CERS5: variants seen among roughly 807,000 people sequenced by gnomAD.
The protein encoded by CERS5 is LAG1 homolog, ceramide synthase 5.
In CERS5, 37 loss-of-function variants were observed where a neutral mutation model predicts 58.9. The ratio of observed to expected loss-of-function variants is 0.63; its 90% confidence interval spans 0.48 to 0.83. The LOEUF (loss-of-function observed/expected upper bound fraction) is 0.83. Ranked by LOEUF, CERS5 falls within the 40% of genes least tolerant of loss-of-function variation. CERS5 has a pLI of 0.00. For synonymous variants in CERS5, 147 were observed against 177.8 expected (o/e 0.83, Z 1.38); for missense variants, 398 against 489.3 (o/e 0.81, Z 1.76).
chr12:50,165,823 T>C (rs200161448), intron 1 of CERS5: 1 of 368,216 alleles, frequency 2.7e-6, no homozygotes, highest in African/African-American at 2.1e-5. Flanking sequence ...CCTCATTACC[T>C]GAGGCCTATG....
At chr12:50,159,439 G>A (rs183369368) in intron 1 of CERS5, among the ~76,000 whole-genome samples, 4 of 152,056 alleles carry the variant, frequency 2.6e-5, no homozygotes, top group African/African-American at 9.6e-5. Context: ...TTATTTAAAG[G>A]AACATCTAAT....
intron 1 of CERS5, among the ~76,000 whole-genome samples, chr12:50,160,735 T>C (rs1366618342): frequency 6.6e-6 from 1 of 152,184 alleles, no homozygotes; most frequent in African/African-American, 2.4e-5. Flanking sequence ...ATCTTTAAGA[T>C]TCAGTTTAAG....
chr12:50,141,581 C>G (rs967307210), intron 4 of CERS5, among the ~76,000 whole-genome samples: 1 of 152,016 alleles, frequency 6.6e-6, no homozygotes, highest in African/African-American at 2.4e-5. Context: ...AGAAGACAAT[C>G]TATTAGGATA....
At chr12:50,146,567 G>T (rs1445406196) in intron 1 of CERS5, among the ~76,000 whole-genome samples, 1 of 152,182 alleles carries the variant, frequency 6.6e-6, no homozygotes, top group Non-Finnish European at 1.5e-5. Flanking sequence ...TGGAGCGTAA[G>T]AACATTTGAC....
Position 50,135,146 on chromosome 12 carries a change from A to AGAGAGGAGGGAGGGAGAGAGAGG in CERS5, c.873-445_873-444insCCTCTCTCTCCCTCCCTCCTCTC, listed in dbSNP as rs1471404534. Among the ~76,000 whole-genome samples the AGAGAGGAGGGAGGGAGAGAGAGG allele has an allele frequency of 7.8e-5, 3 of 38,310 alleles. 1 individual carries two copies. The allele number at this position is 38,310 out of a possible 152,430, so 25.1% of individuals were successfully genotyped here. ...AGAGAGGAGAGGGAGGGAGAGAGAG[A>AGAGAGGAGGGAGGGAGAGAGAGG]GGAGGGAGGGAGAGAGAGGGGAGGG... On this transcript the variant is annotated intron_variant, in intron 8 of 9. Transcript: ENST00000317551.
chr12:50,165,877 A>G (rs1176034268), intron 1 of CERS5: 1 of 448,092 alleles, frequency 2.2e-6, no homozygotes, highest in Non-Finnish European at 4.5e-6. Flanking sequence ...AGACTTGATC[A>G]AAATCACCCA....
At chr12:50,138,065 A>G (rs1231139066) in intron 5 of CERS5, among the ~76,000 whole-genome samples, 2 of 152,166 alleles carry the variant, frequency 1.3e-5, no homozygotes, top group Non-Finnish European at 2.9e-5. Flanking sequence ...GTTAACACAT[A>G]CTGTAACACA....
chr12:50,146,900 T>C (rs906355311), intron 1 of CERS5, among the ~76,000 whole-genome samples: 4 of 152,122 alleles, frequency 2.6e-5, no homozygotes, highest in African/African-American at 7.2e-5. Flanking sequence ...TTGTTTATTT[T>C]GTGCTACAGA....
chr12:50,147,456 G>A (rs1026657677), intron 1 of CERS5: 22 of 150,218 alleles, frequency 1.5e-4, no homozygotes, highest in African/African-American at 4.2e-4. Flanking sequence ...AATTTCCAGA[G>A]CCTGGCATTC....
At chr12:50,143,835 A>G (rs1952112685) in intron 2 of CERS5, 117 bp downstream of exon 2, 2 of 691,156 alleles carry the variant, frequency 2.9e-6, no homozygotes, top group Non-Finnish European at 5.2e-6. Flanking sequence ...GACTACTCAA[A>G]TATGAAGGAC....
chr12:50,144,845 G>T, intron 1 of CERS5: 4 of 1,461,134 alleles, frequency 2.7e-6, no homozygotes, highest in Non-Finnish European at 3.6e-6. Flanking sequence ...TTTTTAAAAA[G>T]AATAAAAAAG....
At chr12:50,130,768 T>C in intron 9 of CERS5, 74 bp from the exon 10 acceptor site, 1 of 1,393,210 alleles carries the variant, frequency 7.2e-7, no homozygotes, top group Non-Finnish European at 9.8e-7. Context: ...GACCCAGGTG[T>C]GGGCACTGTG....
intron 1 of CERS5, among the ~76,000 whole-genome samples, chr12:50,145,870 G>A (rs1335286185): frequency 6.6e-6 from 1 of 152,162 alleles, no homozygotes; most frequent in Non-Finnish European, 1.5e-5. Flanking sequence ...ACATGTTTTA[G>A]TGAAACCCAC....
intron 1 of CERS5, among the ~76,000 whole-genome samples, chr12:50,158,444 A>C (rs1254810968): frequency 6.6e-6 from 1 of 152,182 alleles, no homozygotes; most frequent in African/African-American, 2.4e-5. Flanking sequence ...TAAAACCATC[A>C]CATATAGTTT....
chr12:50,152,916 A>G (rs1938132042), intron 1 of CERS5, among the ~76,000 whole-genome samples: 1 of 151,922 alleles, frequency 6.6e-6, no homozygotes, highest in South Asian at 2.1e-4. Context: ...CTAAAAATAT[A>G]AATATTAGCC....
At chr12:50,135,115 AGG>A (rs1951563094) in intron 8 of CERS5, among the ~76,000 whole-genome samples, 4 of 119,796 alleles carry the variant, frequency 3.3e-5, no homozygotes, top group Non-Finnish European at 3.4e-5. Flanking sequence ...AGAGGGAGGG[AGG>A]GAGAGAGAGG....
intron 4 of CERS5, among the ~76,000 whole-genome samples, chr12:50,138,973 AATG>A: frequency 6.6e-6 from 1 of 152,322 alleles, no homozygotes; most frequent in East Asian, 1.9e-4. Context: ...CTAATGGAAT[AATG>A]ATTATGTCCT....
At chr12:50,138,886 T>C (rs900070581) in intron 4 of CERS5, among the ~76,000 whole-genome samples, 4 of 152,222 alleles carry the variant, frequency 2.6e-5, no homozygotes, top group Admixed American at 6.5e-5. Flanking sequence ...GGAATATATA[T>C]ACAGGAAGAC....
chr12:50,161,784 G>GAAAAAAAAAAAAAAAAAAAAAA lies in CERS5; in HGVS notation c.197+5316_197+5317insTTTTTTTTTTTTTTTTTTTTTT, dbSNP rs374177550. Among the ~76,000 whole-genome samples, 32 of 90,858 alleles carry GAAAAAAAAAAAAAAAAAAAAAA rather than the reference G, an allele frequency of 3.5e-4. 6 individuals are homozygous for GAAAAAAAAAAAAAAAAAAAAAA. Among genetic ancestry groups the GAAAAAAAAAAAAAAAAAAAAAA allele is most frequent in the East Asian group, 5.2e-4 (1 of 1,920 alleles). The allele number at this position is 90,858 out of a possible 152,430, so 59.6% of individuals were successfully genotyped here. ...AGAGTGAGACTCCGTCTCAAAAAAAGAAAAAAAAAAAAAAAAGCAAAGTTC... is the reference window on the plus strand; with the variant it reads ...AGAGTGAGACTCCGTCTCAAAAAAAGAAAAAAAAAAAAAAAAAAAAAAAAAAAAAAAAAAAAAAGCAAAGTTC... On this transcript the variant is annotated intron_variant, in intron 1 of 9. Transcript: ENST00000317551.
Sources: allele counts gnomAD v4.1 joint callset (sites outside exome capture counted in the v4.1 genomes callset), GRCh38; gene constraint gnomAD v4.1.1; transcripts MANE v1.5; gene names NCBI Gene and HGNC (gene_info 2026-07-23, HGNC 2026-07-21).